Variants in ARID1B observed in about 807,000 individuals in gnomAD.
The protein encoded by ARID1B is AT-rich interactive domain-containing protein 1B.
ARID1B carries 30 observed loss-of-function variants against 212.3 expected under a neutral mutation model. The ratio of observed to expected loss-of-function variants is 0.14; its 90% CI spans 0.11 to 0.19. The LOEUF (loss-of-function observed/expected upper bound fraction) is 0.19. ARID1B is among the 10% of genes least tolerant of loss of function. The pLI is 1.00. For synonymous variants in ARID1B, 1,402 were observed against 1,301.7 expected, an observed-to-expected ratio of 1.08 and a Z score of -1.66; for missense variants, 2,891 against 3,204.0, an observed-to-expected ratio of 0.90 and a Z score of 2.36.
At chr6:156,810,474 C>T (rs989954873) in intron 1 of ARID1B, among the ~76,000 whole-genome samples, 17 of 152,128 alleles carry the variant, frequency 1.1e-4, no homozygotes, top group Admixed American at 8.5e-4. Flanking sequence ...CCTTGTAAAG[C>T]GAGAGGGGTG....
At position 157,201,381 on chromosome 6, in the gene ARID1B, C is replaced by T. The variant is rs1236090653; in HGVS notation, c.5156C>T (p.Pro1719Leu). Reference sequence around the variant, plus strand: ...CCCACATCCCAGGTCACCGGGCCACCACCCCAACCACCCCCAATCAGAAGG... The same window carrying T: ...CCCACATCCCAGGTCACCGGGCCACTACCCCAACCACCCCCAATCAGAAGG... ...TVPTSQVTGP[P>L]PQPPPIRREI... is the part of the protein sequence containing the mutation. The change falls in exon 18 of 20, where the codon CCA becomes CTA. Residue 1719 changes from proline to leucine, a missense_variant. This residue lies in a region of ARID1B where 666 missense variants were observed against 873.5 expected (regional missense o/e 0.76). Transcript: ENST00000636930. This position sits in a 1 kb window ranked among gnomAD's most constrained non-coding sequence, Gnocchi z 5.2. The T allele has an allele frequency of 6.2e-7, 1 of 1,604,018 alleles. No individual in the cohort carries two copies. Among genetic ancestry groups the T allele is most frequent in the Non-Finnish European group, 8.5e-7 (1 of 1,173,256 alleles).
intron 2 of ARID1B, among the ~76,000 whole-genome samples, chr6:156,833,411 GT>G (rs1583126603): frequency 6.6e-6 from 1 of 151,972 alleles, no homozygotes; most frequent in African/African-American, 2.4e-5. Context: ...ATTTATTTGT[GT>G]CAAGCAGATT....
intron 6 of ARID1B, among the ~76,000 whole-genome samples, chr6:157,112,215 T>G (rs1024902680): frequency 2.0e-5 from 3 of 152,254 alleles, no homozygotes; most frequent in Non-Finnish European, 4.4e-5. Flanking sequence ...AATTCTCTAC[T>G]GTGACCTGCT....
rs763843215 is a variant in ARID1B, at chr6:157,094,647, G to A, written c.2491+9742G>A. Among the ~76,000 whole-genome samples the A allele has an allele frequency of 5.3e-5, 8 of 152,274 alleles. No individual in the cohort carries two copies. The East Asian group carries it at 5.8e-4, about 11-fold the overall frequency. ...TAGGATTACAGGCGTGAGCCACCGC[G>A]CCTGGCCGATTTAGGAGTTTAAGTG... On this transcript the variant is annotated intron_variant, in intron 5 of 19. Coordinates refer to ENST00000636930, the MANE Select transcript of ARID1B (RefSeq NM_001374828.1). This position sits in a 1 kb window ranked among gnomAD's most constrained non-coding sequence, Gnocchi z 4.3.
intron 6 of ARID1B, among the ~76,000 whole-genome samples, chr6:157,123,164 G>A (rs1299370399): frequency 2.0e-5 from 3 of 151,488 alleles, no homozygotes; most frequent in Non-Finnish European, 4.4e-5. Context: ...GATACTCGAT[G>A]GGGATTTTGA....
chr6:157,024,106 A>G (rs1289690901), intron 4 of ARID1B: 1 of 152,256 alleles, frequency 6.6e-6, no homozygotes, highest in African/African-American at 2.4e-5. Flanking sequence ...TCTTTGTGGA[A>G]GAAAGATTTG....
intron 1 of ARID1B, among the ~76,000 whole-genome samples, chr6:156,785,129 A>T (rs566320166): frequency 1.3e-5 from 2 of 152,350 alleles, no homozygotes; most frequent in East Asian, 3.9e-4. Flanking sequence ...CAATGCCAAG[A>T]ATATTAGAAG....
chr6:157,076,667 T>C (rs1389430590), intron 4 of ARID1B, among the ~76,000 whole-genome samples: 1 of 152,070 alleles, frequency 6.6e-6, no homozygotes, highest in African/African-American at 2.4e-5. Context: ...ATTGATGGCT[T>C]TTCTGTCCTG....
intron 4 of ARID1B, among the ~76,000 whole-genome samples, chr6:157,080,387 A>G (rs1019325915): frequency 6.6e-6 from 1 of 152,218 alleles, no homozygotes; most frequent in East Asian, 1.9e-4. Context: ...GAATACCATC[A>G]AAACCAAATA....
intron 4 of ARID1B, chr6:157,022,509 T>C (rs1780382748): frequency 6.6e-6 from 1 of 152,212 alleles, no homozygotes; most frequent in African/African-American, 2.4e-5. Context: ...GGTGGTCTCT[T>C]GGTCACTTGC....
chr6:156,841,568 A>G (rs1783905296), intron 2 of ARID1B, among the ~76,000 whole-genome samples: 1 of 152,120 alleles, frequency 6.6e-6, no homozygotes, highest in Non-Finnish European at 1.5e-5. Context: ...AATAACAGCA[A>G]TCTCTGTGCC....
At chr6:156,886,361 A>G (rs943612932) in intron 2 of ARID1B, among the ~76,000 whole-genome samples, 1 of 152,064 alleles carries the variant, frequency 6.6e-6, no homozygotes, top group Non-Finnish European at 1.5e-5. Flanking sequence ...CCTGGCTAAC[A>G]ATTTTAGTTT....
rs1256347904 is a variant in ARID1B, at chr6:156,778,368, G to T, written c.688G>T (p.Ala230Ser). ...NNSLGGAGGGAPQPGPDMEQP... is the reference protein window; with the variant it reads ...NNSLGGAGGGSPQPGPDMEQP... ...CAGCTTGGGCGGCGCGGGCGGCGGCGCGCCTCAGCCCGGCCCCGACATGGA... is the reference window on the plus strand; with the variant it reads ...CAGCTTGGGCGGCGCGGGCGGCGGCTCGCCTCAGCCCGGCCCCGACATGGA... The change falls in exon 1 of 20, where the codon GCG becomes TCG. Residue 230 changes from alanine (A) to serine (S), a missense_variant. Transcript: ENST00000636930. 2.6e-6 allele frequency: 4 copies of T among 1,539,004 alleles called. No homozygotes were observed. The highest frequency in any genetic ancestry group is 4.9e-5 in the East Asian group (2 of 40,796).
rs1272274260 is a variant in ARID1B, at chr6:156,802,861, G to A, written c.1791+23390G>A. Among the ~76,000 whole-genome samples, 91 of 152,190 alleles carry A rather than the reference G, an allele frequency of 6.0e-4. 1 individual carries two copies. The highest frequency in any genetic ancestry group is 3.8e-4 in the East Asian group (2 of 5,204). ...TGGATGAATATATGTGTACATATGTGTTTATGAGTATGTAGCTGTGTGTTA... is the reference window on the plus strand; with the variant it reads ...TGGATGAATATATGTGTACATATGTATTTATGAGTATGTAGCTGTGTGTTA... On this transcript the variant is annotated intron_variant, in intron 1 of 19. Coordinates refer to ENST00000636930, the MANE Select transcript of ARID1B (RefSeq NM_001374828.1).
At chr6:157,197,458 A>C (rs1361063045) in intron 16 of ARID1B, among the ~76,000 whole-genome samples, 1 of 152,226 alleles carries the variant, frequency 6.6e-6, no homozygotes, top group Non-Finnish European at 1.5e-5. Flanking sequence ...TCACGGCTTT[A>C]CCAAATGAGG....
intron 15 of ARID1B, chr6:157,194,890 A>T (rs1184985976): frequency 6.6e-6 from 1 of 152,166 alleles, no homozygotes; most frequent in Non-Finnish European, 1.5e-5. Context: ...GAGGTTGAGG[A>T]AGGCAGGCAG....
chr6:157,005,261 G>A (rs1779179144), intron 4 of ARID1B, among the ~76,000 whole-genome samples: 1 of 151,730 alleles, frequency 6.6e-6, no homozygotes, highest in Non-Finnish European at 1.5e-5. Context: ...TCAAGCAGTT[G>A]TCCTGCCTCA....
chr6:157,013,079 A>C (rs1028637831), intron 4 of ARID1B, among the ~76,000 whole-genome samples: 3 of 152,068 alleles, frequency 2.0e-5, no homozygotes, highest in Admixed American at 6.5e-5. Flanking sequence ...GGGTTTCTCC[A>C]TGTTGGTCAG....
intron 2 of ARID1B, among the ~76,000 whole-genome samples, chr6:156,868,286 T>C (rs1238496585): frequency 6.6e-6 from 1 of 152,198 alleles, no homozygotes; most frequent in Non-Finnish European, 1.5e-5. Context: ...ATCACTGATA[T>C]ATGTGGGTGC....
Sources: allele counts gnomAD v4.1 joint callset (sites outside exome capture counted in the v4.1 genomes callset), GRCh38; gene constraint gnomAD v4.1.1; regional missense constraint gnomAD v4.1.1; non-coding constraint Gnocchi (gnomAD v3.1); transcripts MANE v1.5; gene names NCBI Gene and HGNC (gene_info 2026-07-23, HGNC 2026-07-21).